The following OR4D1 variants were observed in gnomAD, a reference collection of about 807,000 sequenced individuals.
OR4D1 encodes olfactory receptor family 4 subfamily D member 1, also known as olfactory receptor 4D1.
A neutral mutation model predicts 14.2 loss-of-function variants in OR4D1; 10 were observed. That is an observed-to-expected ratio of 0.71 (90% CI 0.44 to 1.20). The LOEUF (loss-of-function observed/expected upper bound fraction) is 1.20, where lower values mean the gene tolerates loss of function less well. OR4D1 is among the 50% of genes most tolerant of loss of function. The pLI is 0.00. For synonymous variants in OR4D1, 141 were observed against 147.4 expected (o/e 0.96, Z 0.32); for missense variants, 345 against 376.6 (o/e 0.92, Z 0.70).
Position 58,156,709 on chromosome 17 carries a change from C to T in OR4D1, c.*623C>T, listed in dbSNP as rs140040866. 2.8e-4 allele frequency: 48 copies of T among 172,288 alleles called. No individual in the cohort carries two copies. The East Asian group carries it at 4.6e-3, about 17-fold the overall frequency. The allele number at this position is 172,288 out of a possible 1,614,324, so 10.7% of individuals were successfully genotyped here. On this transcript the variant is annotated 3_prime_UTR_variant, in exon 4 of 4. Transcript: ENST00000268912. Reference sequence around the variant, plus strand: ...GCAGAGCTTGCCCTGGAACCTGGTTCTTCTTGACTCCAAGTTTAGAGGCAA... The same window carrying T: ...GCAGAGCTTGCCCTGGAACCTGGTTTTTCTTGACTCCAAGTTTAGAGGCAA...
In OR4D1 at chr17:58,156,375, G is replaced by A. The variant is rs533662047; in HGVS notation, c.*289G>A. ...AATGATTCTCCTGCCTCAGCCTCCC[G>A]CGCAGCTGGGATTACAGGCACCCAC... On this transcript the variant is annotated 3_prime_UTR_variant, in exon 4 of 4. Transcript: ENST00000268912. 14 of 281,896 alleles carry A rather than the reference G, an allele frequency of 5.0e-5. No individual in the cohort carries two copies. Among genetic ancestry groups the A allele is most frequent in the South Asian group, 1.2e-4 (2 of 16,358 alleles). The allele number at this position is 281,896 out of a possible 1,614,324, so 17.5% of individuals were successfully genotyped here. A position where few individuals can be genotyped will look rare whatever the true frequency, so the allele number is the denominator to read the frequency against.
At chr17:58,154,586 C>A (rs1967741557) in intron 3 of OR4D1, among the ~76,000 whole-genome samples, 1 of 152,228 alleles carries the variant, frequency 6.6e-6, no homozygotes, top group Non-Finnish European at 1.5e-5. Context: ...ACATTTACCT[C>A]TGATTTTGTA....
rs1021723824 is a variant in OR4D1 at position 58,155,290 on chromosome 17, T to C, written c.137T>C (p.Met46Thr). The stretch of plus-strand genomic sequence containing the variant: ...ACCATTGTGGGAAACCTCCTTATCA[T>C]GGTCACAGTGACTTTTGACTGCCGG... ...VTTIVGNLLI[M>T]VTVTFDCRLH... The change falls in exon 4 of 4, where the codon ATG becomes ACG. Residue 46 changes from methionine to threonine, a missense_variant. Transcript: ENST00000268912. 1.2e-5 allele frequency: 20 copies of C among 1,614,196 alleles called. No individual in the cohort carries two copies. Among genetic ancestry groups the C allele is most frequent in the Admixed American group, 1.7e-5 (1 of 60,030 alleles).
At chr17:58,152,126 AATT>A (rs939747735) in intron 2 of OR4D1, among the ~76,000 whole-genome samples, 8 of 152,162 alleles carry the variant, frequency 5.3e-5, no homozygotes, top group Non-Finnish European at 8.8e-5. Context: ...GATACATTTG[AATT>A]ATTATTATAT....
intron 2 of OR4D1, among the ~76,000 whole-genome samples, chr17:58,152,206 C>T (rs111631759): frequency 0.083 from 12,591 of 152,182 alleles, 585 homozygotes; most frequent in South Asian, 0.11. Context: ...GGTTTCACCA[C>T]GTTGGCCAGG....
At position 58,158,420 on chromosome 17, in the gene OR4D1, C is replaced by T. The variant is rs1967805155; in HGVS notation, c.*2334C>T. ...TAAAAGAAACCTTTTTATATACTAC[C>T]ATATTTGTTCCTATCTCTCCCCACG... On this transcript the variant is annotated 3_prime_UTR_variant, in exon 4 of 4. Coordinates refer to ENST00000268912, the MANE Select transcript of OR4D1 (RefSeq NM_001386095.1). 1 of 151,082 alleles carries T rather than the reference C, an allele frequency of 6.6e-6. No homozygotes were observed. The highest frequency in any genetic ancestry group is 1.5e-5 in the Non-Finnish European group (1 of 67,878). 9.4% of individuals were successfully genotyped at this position (151,082 alleles called of 1,614,324 possible).
rs1967786942 is a variant in OR4D1, at chr17:58,157,133, G to A, written c.*1047G>A. 2.0e-6 allele frequency: 3 copies of A among 1,479,100 alleles called. No homozygotes were observed. Among genetic ancestry groups the A allele is most frequent in the South Asian group, 2.5e-5 (2 of 79,338 alleles). The allele number at this position is 1,479,100 out of a possible 1,614,324, so 91.6% of individuals were successfully genotyped here. On this transcript the variant is annotated 3_prime_UTR_variant, in exon 4 of 4. Coordinates refer to ENST00000268912, the MANE Select transcript of OR4D1 (RefSeq NM_001386095.1). ...AGCGCCGCGTCAAGGTCTCCAGCCT[G>A]CCCTACAGTGTGGATGCGCTCGTGT...
chr17:58,153,614 C>T (rs1355376729), intron 2 of OR4D1, among the ~76,000 whole-genome samples: 1 of 152,176 alleles, frequency 6.6e-6, no homozygotes, highest in Non-Finnish European at 1.5e-5. Context: ...TGCTACCCTA[C>T]CCATGTGCCA....
Position 58,156,081 on chromosome 17 carries a change from GAGTAAACTTT to G in OR4D1, c.930_*6del. On this transcript the variant is annotated stop_lost and 3_prime_UTR_variant, in exon 4 of 4. Transcript: ENST00000268912. Reference sequence around the variant, plus strand: ...AGGCAAGTGCCTAGTAATTTGCAGGGAGTAAACTTTAAGTAAGTTGACTTTAAATGACAAA... The same window carrying G: ...AGGCAAGTGCCTAGTAATTTGCAGGGAAGTAAGTTGACTTTAAATGACAAA... The G allele has an allele frequency of 6.4e-7, 1 of 1,572,736 alleles. No homozygotes were observed. The highest frequency in any genetic ancestry group is 8.6e-7 in the Non-Finnish European group (1 of 1,162,514).
At position 58,156,854 on chromosome 17, in the gene OR4D1, G is replaced by C. The variant is rs865988694; in HGVS notation, c.*768G>C. ...TGGTCAACTGCTTCATCTTAACTCT[G>C]GGACAGTTACATTCTTTTCTGCTCC... On this transcript the variant is annotated 3_prime_UTR_variant, in exon 4 of 4. Transcript: ENST00000268912. 40 of 432,232 alleles carry C rather than the reference G, an allele frequency of 9.3e-5. No homozygotes were observed. Among genetic ancestry groups the C allele is most frequent in the Middle Eastern group, 1.3e-3 (2 of 1,484 alleles). The allele number at this position is 432,232 out of a possible 1,614,324, so 26.8% of individuals were successfully genotyped here. A position where few individuals can be genotyped will look rare whatever the true frequency, so the allele number is the denominator to read the frequency against.
rs1967771023 is a variant in OR4D1, at chr17:58,156,155, G to A, written c.*69G>A. 5.7e-6 allele frequency: 6 copies of A among 1,053,114 alleles called. No individual in the cohort carries two copies. The East Asian group carries it at 1.5e-4, about 27-fold the overall frequency. 65.2% of individuals were successfully genotyped at this position (1,053,114 alleles called of 1,614,324 possible). On this transcript the variant is annotated 3_prime_UTR_variant, in exon 4 of 4. Coordinates refer to ENST00000268912, the MANE Select transcript of OR4D1 (RefSeq NM_001386095.1). ...TTATTTTCCCACATGAAAAATGGAG[G>A]AAAGTCTTTATAAAGCATAACAAAT...
intron 2 of OR4D1, among the ~76,000 whole-genome samples, chr17:58,153,208 A>G (rs1967723884): frequency 6.6e-6 from 1 of 152,172 alleles, no homozygotes; most frequent in African/African-American, 2.4e-5. Flanking sequence ...TGCTGCGACA[A>G]TGCTCCAGGA....
In OR4D1 at chr17:58,157,264, C is replaced by G; in HGVS notation, c.*1178C>G. 2.0e-6 allele frequency: 3 copies of G among 1,473,030 alleles called. No individual in the cohort carries two copies. The highest frequency in any genetic ancestry group is 1.4e-5 in the South Asian group (1 of 70,534). The allele number at this position is 1,473,030 out of a possible 1,614,324, so 91.2% of individuals were successfully genotyped here. On this transcript the variant is annotated 3_prime_UTR_variant, in exon 4 of 4. Transcript: ENST00000268912. ...CTGCCGGGGCACGGCGCTCGGGAAG[C>G]GCACAGCCCCGGGCCGCTGATCAAG...
At chr17:58,151,414 C>T (rs1967701086) in intron 2 of OR4D1, among the ~76,000 whole-genome samples, 1 of 152,164 alleles carries the variant, frequency 6.6e-6, no homozygotes, top group Non-Finnish European at 1.5e-5. Flanking sequence ...TGCTCTCCCT[C>T]CCCTCGCCTC....
chr17:58,150,972 AT>A (rs1967696074), intron 2 of OR4D1, among the ~76,000 whole-genome samples: 2 of 152,100 alleles, frequency 1.3e-5, no homozygotes, highest in South Asian at 4.1e-4. Context: ...TTTGATTAAA[AT>A]TTTATGACAA....
At chr17:58,153,032 C>T (rs528568414) in intron 2 of OR4D1, among the ~76,000 whole-genome samples, 1 of 152,166 alleles carries the variant, frequency 6.6e-6, no homozygotes, top group Non-Finnish European at 1.5e-5. Context: ...AATCAGTAAT[C>T]AGGTGTGAGA....
chr17:58,157,012 G>C lies in OR4D1; in HGVS notation c.*926G>C. 1 of 895,588 alleles carries C rather than the reference G, an allele frequency of 1.1e-6. No individual in the cohort carries two copies. The highest frequency in any genetic ancestry group is 1.8e-6 in the Non-Finnish European group (1 of 568,194). 55.5% of individuals were successfully genotyped at this position (895,588 alleles called of 1,614,324 possible). ...GCGCGTCGGGAGCTACGTAGGGCAG[G>C]GAAGGCATGGCTTCTGTTTTCGTCC... On this transcript the variant is annotated 3_prime_UTR_variant, in exon 4 of 4. Transcript: ENST00000268912.
At position 58,154,788 on chromosome 17, in the gene OR4D1, C is replaced by T. The variant is rs114029935; in HGVS notation, c.-19-347C>T. 6.8e-3 allele frequency among the ~76,000 whole-genome samples: 1,040 copies of T among 152,290 alleles called. 12 individuals are homozygous for T. Among genetic ancestry groups the T allele is most frequent in the African/African-American group, 0.023 (967 of 41,548 alleles). Reference sequence around the variant, plus strand: ...ACTTGCTGATATGTTTATTTATTCACTGATTGATTCAACTAGCTTTATGGA... The same window carrying T: ...ACTTGCTGATATGTTTATTTATTCATTGATTGATTCAACTAGCTTTATGGA... On this transcript the variant is annotated intron_variant, in intron 3 of 3. Transcript: ENST00000268912.
chr17:58,149,154 G>A (rs1342612918), intron 1 of OR4D1, among the ~76,000 whole-genome samples: 5 of 152,290 alleles, frequency 3.3e-5, no homozygotes, highest in Admixed American at 3.3e-4. Context: ...CAACAGAAGA[G>A]GTCTAGAATC....
Sources: allele counts gnomAD v4.1 joint callset (sites outside exome capture counted in the v4.1 genomes callset), GRCh38; gene constraint gnomAD v4.1.1; transcripts MANE v1.5; gene names NCBI Gene and HGNC (gene_info 2026-07-23, HGNC 2026-07-21).